Variants in TTYH3 observed in about 807,000 individuals in gnomAD.
TTYH3 encodes tweety family member 3.
In TTYH3, 23 loss-of-function variants were observed where a neutral mutation model predicts 68.2. The observed-to-expected ratio is 0.34, with a 90% CI of 0.24 to 0.48. TTYH3 has a LOEUF of 0.48. TTYH3 is among the 20% of genes least tolerant of loss of function. TTYH3 has a pLI of 0.99. For missense variants in TTYH3, 768 were observed against 727.7 expected, an observed-to-expected ratio of 1.06 and a Z score of -0.64; for synonymous variants, 360 against 332.8, an observed-to-expected ratio of 1.08 and a Z score of -0.89.
intron 1 of TTYH3, among the ~76,000 whole-genome samples, chr7:2,635,752 G>A (rs1195385381): frequency 6.6e-6 from 1 of 152,216 alleles, no homozygotes; most frequent in Non-Finnish European, 1.5e-5. Flanking sequence ...GCAGATAGTG[G>A]GCCCTGCCTC....
At chr7:2,658,865 C>G in intron 12 of TTYH3, 75 bp from the exon 13 acceptor site, 7 of 1,447,604 alleles carry the variant, frequency 4.8e-6, no homozygotes, top group Non-Finnish European at 5.8e-6. Flanking sequence ...GCGGGCCTAC[C>G]CATGGGCCCC....
chr7:2,663,468 C>T lies in TTYH3; in HGVS notation c.*1729C>T, dbSNP rs562435497. 6.5e-6 allele frequency: 1 copy of T among 152,686 alleles called. No homozygotes were observed. Among genetic ancestry groups the T allele is most frequent in the African/African-American group, 2.4e-5 (1 of 41,588 alleles). 9.5% of individuals were successfully genotyped at this position (152,686 alleles called of 1,614,324 possible). A position where few individuals can be genotyped will look rare whatever the true frequency, so the allele number is the denominator to read the frequency against. ...AGGGGAGTCCATGGGCCTGGGGCCC[C>T]AAGCCGGGGCGTCTGAGCTCCCCAG... On this transcript the variant is annotated 3_prime_UTR_variant, in exon 14 of 14. Coordinates refer to ENST00000258796, the MANE Select transcript of TTYH3 (RefSeq NM_025250.3).
In TTYH3 at chr7:2,652,700, G is replaced by C. The variant is rs1371426240; in HGVS notation, c.928-218G>C. 6.9e-6 allele frequency: 4 copies of C among 582,418 alleles called. No individual in the cohort carries two copies. The Admixed American group carries it at 1.2e-4, about 17-fold the overall frequency. The allele number at this position is 582,418 out of a possible 1,614,324, so 36.1% of individuals were successfully genotyped here. Reference sequence around the variant, plus strand: ...GTGACTGTGCTTTGCTTGCTGGTGTGGGTGCGTGGTTGGCTGTTACCACCT... The same window carrying C: ...GTGACTGTGCTTTGCTTGCTGGTGTCGGTGCGTGGTTGGCTGTTACCACCT... On this transcript the variant is annotated intron_variant, in intron 8 of 13. Coordinates refer to ENST00000258796, the MANE Select transcript of TTYH3 (RefSeq NM_025250.3).
chr7:2,649,600 C>T lies in TTYH3; in HGVS notation c.756C>T (p.Ile252=), dbSNP rs1350893246. The T allele has an allele frequency of 2.5e-6, 4 of 1,598,026 alleles. No homozygotes were observed. The highest frequency in any genetic ancestry group is 3.4e-5 in the Admixed American group (2 of 58,992). Reference sequence around the variant, plus strand: ...TGCTGGGAGTCCTGGCCCTGGTCATCAGCTGGGGCGCGCTGGGCTTGGAGC... The same window carrying T: ...TGCTGGGAGTCCTGGCCCTGGTCATTAGCTGGGGCGCGCTGGGCTTGGAGC... The part of the protein sequence containing the change: ...VCLLGVLALV[I]SWGALGLELA... Residue 252 remains isoleucine (I), a synonymous_variant, in exon 6 of 14, where the codon ATC becomes ATT. Coordinates refer to ENST00000258796, the MANE Select transcript of TTYH3 (RefSeq NM_025250.3).
intron 1 of TTYH3, among the ~76,000 whole-genome samples, chr7:2,643,354 CAAAAAAAAA>C (rs34320575): frequency 9.9e-6 from 1 of 100,580 alleles, no homozygotes; most frequent in Admixed American, 1.0e-4. Context: ...GACTCTGTCT[CAAAAAAAAA>C]AAAAAAAAAA....
intron 1 of TTYH3, among the ~76,000 whole-genome samples, chr7:2,632,871 G>C (rs1785559105): frequency 6.6e-6 from 1 of 152,236 alleles, no homozygotes; most frequent in Non-Finnish European, 1.5e-5. Context: ...CCTGCTTGGC[G>C]GTCAGGCTGT....
Position 2,661,743 on chromosome 7 carries a change from G to T in TTYH3, c.*4G>T, listed in dbSNP as rs754388689. 58 of 1,608,742 alleles carry T rather than the reference G, an allele frequency of 3.6e-5. No individual in the cohort carries two copies. Among genetic ancestry groups the T allele is most frequent in the Non-Finnish European group, 4.9e-5 (58 of 1,178,794 alleles). ...TGACTCCAGCGGCAGCCACTAGACC[G>T]CGCCCGGCAGCCACCCACCCCACGT... On this transcript the variant is annotated 3_prime_UTR_variant, in exon 14 of 14. Coordinates refer to ENST00000258796, the MANE Select transcript of TTYH3 (RefSeq NM_025250.3).
At chr7:2,642,700 C>G (rs1785880489) in intron 1 of TTYH3, among the ~76,000 whole-genome samples, 1 of 151,452 alleles carries the variant, frequency 6.6e-6, no homozygotes, top group African/African-American at 2.4e-5. Flanking sequence ...TGCACTCCAG[C>G]CTGGGCCACA....
chr7:2,635,563 G>T (rs1489069841), intron 1 of TTYH3, among the ~76,000 whole-genome samples: 1 of 152,138 alleles, frequency 6.6e-6, no homozygotes, highest in Non-Finnish European at 1.5e-5. Flanking sequence ...CAGGCGGTGG[G>T]AGCCCAGTGG....
At chr7:2,660,653 C>A in intron 13 of TTYH3, 1 of 751,850 alleles carries the variant, frequency 1.3e-6, no homozygotes, top group Non-Finnish European at 1.6e-6. Flanking sequence ...CCCTCCGTGG[C>A]GTCCCCACAG....
intron 8 of TTYH3, among the ~76,000 whole-genome samples, chr7:2,652,673 G>A (rs766813453): frequency 1.3e-5 from 2 of 152,164 alleles, no homozygotes; most frequent in South Asian, 2.1e-4. Flanking sequence ...CCTGAGGGCC[G>A]TGTGACTGTG....
In TTYH3 at chr7:2,658,430, C is replaced by A. The variant is rs758485529; in HGVS notation, c.1395C>A (p.Thr465=). ...SETSIPAAAH[T]VSNAPVTEYM... ...CCAGCATCCCGGCCGCGGCCCACAC[C>A]GTCAGCAACGCCCCGGTCACTGAGT... The change falls in exon 12 of 14, where the codon ACC becomes ACA. Residue 465 remains threonine, a synonymous_variant. Coordinates refer to ENST00000258796, the MANE Select transcript of TTYH3 (RefSeq NM_025250.3). The A allele has an allele frequency of 6.2e-7, 1 of 1,612,104 alleles. No homozygotes were observed.
intron 13 of TTYH3, chr7:2,660,310 A>G: frequency 2.0e-6 from 2 of 985,316 alleles, no homozygotes; most frequent in Non-Finnish European, 2.4e-6. Flanking sequence ...CACAGCTCCA[A>G]GTGGCCCCAG....
chr7:2,638,426 C>G (rs1470322410), intron 1 of TTYH3, among the ~76,000 whole-genome samples: 6 of 152,098 alleles, frequency 3.9e-5, no homozygotes, highest in Non-Finnish European at 8.8e-5. Context: ...GGGGCCCGGC[C>G]TGTGGGGAGA....
intron 5 of TTYH3, among the ~76,000 whole-genome samples, 180 bp from the exon 6 acceptor site, chr7:2,649,387 A>G (rs1315369953): frequency 6.6e-6 from 1 of 152,040 alleles, no homozygotes; most frequent in African/African-American, 2.4e-5. Flanking sequence ...TAGGAGAGGG[A>G]TCCATCTGGG....
At chr7:2,648,162 G>GCCCCCAC in intron 5 of TTYH3, 108 bp downstream of exon 5, 1 of 1,084,424 alleles carries the variant, frequency 9.2e-7, no homozygotes, top group Non-Finnish European at 1.3e-6. Context: ...CACAAGCTCT[G>GCCCCCAC]CGGTGGGGGC....
rs1268368948 is a variant in TTYH3, at chr7:2,662,715, C to T, written c.*976C>T. 3.9e-5 allele frequency: 6 copies of T among 152,878 alleles called. No individual in the cohort carries two copies. Among genetic ancestry groups the T allele is most frequent in the Non-Finnish European group, 7.3e-5 (5 of 68,200 alleles). 9.5% of individuals were successfully genotyped at this position (152,878 alleles called of 1,614,324 possible). A position where few individuals can be genotyped will look rare whatever the true frequency, so the allele number is the denominator to read the frequency against. ...AACATCCCTCAGCCCCTGCTGTCCCCCCTTGGGACTAACCACTAACCTCAC... is the reference window on the plus strand; with the variant it reads ...AACATCCCTCAGCCCCTGCTGTCCCTCCTTGGGACTAACCACTAACCTCAC... On this transcript the variant is annotated 3_prime_UTR_variant, in exon 14 of 14. Coordinates refer to ENST00000258796, the MANE Select transcript of TTYH3 (RefSeq NM_025250.3).
rs2115001741 is a variant in TTYH3, at chr7:2,661,719, G to A, written c.1552G>A (p.Asp518Asn). ...CCTCGCCACGAGCCAGCCTCGCCCTGACTCCAGCGGCAGCCACTAGACCGC... is the reference window on the plus strand; with the variant it reads ...CCTCGCCACGAGCCAGCCTCGCCCTAACTCCAGCGGCAGCCACTAGACCGC... ...KYLATSQPRP[D>N]SSGSH The change falls in exon 14 of 14, where the codon GAC becomes AAC. Residue 518 changes from aspartate (D) to asparagine (N), a missense_variant. Coordinates refer to ENST00000258796, the MANE Select transcript of TTYH3 (RefSeq NM_025250.3). 2 of 1,611,106 alleles carry A rather than the reference G, an allele frequency of 1.2e-6. No homozygotes were observed. Among genetic ancestry groups the A allele is most frequent in the East Asian group, 2.2e-5 (1 of 44,808 alleles).
At chr7:2,641,537 C>T (rs190708424) in intron 1 of TTYH3, among the ~76,000 whole-genome samples, 206 of 152,336 alleles carry the variant, frequency 1.4e-3, no homozygotes, top group Non-Finnish European at 2.0e-3. Context: ...CGGAACCCAG[C>T]GTGCAGTTTT....
Sources: allele counts gnomAD v4.1 joint callset (sites outside exome capture counted in the v4.1 genomes callset), GRCh38; gene constraint gnomAD v4.1.1; transcripts MANE v1.5; gene names NCBI Gene and HGNC (gene_info 2026-07-23, HGNC 2026-07-21).